The following FANCC variants were observed in gnomAD, a reference collection of about 807,000 sequenced individuals.
FANCC encodes Fanconi anemia group C protein.
Under a neutral mutation model 71.3 loss-of-function variants are expected in FANCC, and 55 were observed. The observed-to-expected ratio is 0.77, with a 90% confidence interval of 0.62 to 0.97. FANCC has a LOEUF of 0.97. Among genes scored for constraint, FANCC ranks in the 50% least tolerant of loss-of-function variants. FANCC has a pLI of 0.00. For missense variants in FANCC, 678 were observed against 670.9 expected (o/e 1.01, Z -0.12); for synonymous variants, 275 against 244.9 (o/e 1.12, Z -1.15).
chr9:95,286,776 C>T (rs1252807212), intron 1 of FANCC, among the ~76,000 whole-genome samples: 3 of 152,136 alleles, frequency 2.0e-5, no homozygotes, highest in Non-Finnish European at 2.9e-5. Context: ...TTTCCTGGCA[C>T]GTGCAAAGGC....
chr9:95,203,351 G>C (rs935893977), intron 4 of FANCC, among the ~76,000 whole-genome samples: 5 of 148,430 alleles, frequency 3.4e-5, no homozygotes, highest in East Asian at 4.0e-4. Flanking sequence ...CAGCCTCGTG[G>C]CTGGGTGACA....
At chr9:95,310,729 G>A (rs1473909470) in intron 1 of FANCC, among the ~76,000 whole-genome samples, 3 of 152,144 alleles carry the variant, frequency 2.0e-5, no homozygotes, top group Admixed American at 2.0e-4. Flanking sequence ...ATAGAATAGT[G>A]ACTACTAAAA....
chr9:95,293,200 G>A (rs1350272258), intron 1 of FANCC: 30 of 1,611,978 alleles, frequency 1.9e-5, no homozygotes, highest in Middle Eastern at 1.6e-4. Flanking sequence ...CAACATCACC[G>A]AGATAGCCTC....
At position 95,171,074 on chromosome 9, in the gene FANCC, C is replaced by G. The variant is rs1301899973; in HGVS notation, c.521+5G>C. 2.7e-5 allele frequency: 44 copies of G among 1,609,588 alleles called. No individual in the cohort carries two copies. Among genetic ancestry groups the G allele is most frequent in the Non-Finnish European group, 3.7e-5 (43 of 1,176,142 alleles). On this transcript the variant is annotated splice_donor_5th_base_variant and intron_variant, in intron 6 of 14. Coordinates refer to ENST00000289081, the MANE Select transcript of FANCC (RefSeq NM_000136.3). ...GAGAAGAAGGATGTTTAGTTTAACA[C>G]CTACCGCCTTTGAGTGTTAAATCCA...
At chr9:95,224,795 G>C (rs1383815567) in intron 4 of FANCC, among the ~76,000 whole-genome samples, 1 of 152,174 alleles carries the variant, frequency 6.6e-6, no homozygotes, top group Non-Finnish European at 1.5e-5. Flanking sequence ...TGGATGGTCT[G>C]ATTCCCAAAG....
Position 95,171,176 on chromosome 9 carries a change from C to T in FANCC, c.457-33G>A, listed in dbSNP as rs369697863. 6.8e-5 allele frequency: 103 copies of T among 1,518,286 alleles called. No homozygotes were observed. In the African/African-American group the frequency reaches 8.3e-4, roughly 12 times the overall value. 94.1% of individuals were successfully genotyped at this position (1,518,286 alleles called of 1,614,324 possible). The stretch of plus-strand genomic sequence containing the variant: ...ACAAAATCAGTTGCAGGTTAACTCA[C>T]GCTGCAAACAGGATTACATCAGTTC... On this transcript the variant is annotated intron_variant, in intron 5 of 14. Transcript: ENST00000289081.
At chr9:95,226,780 G>A (rs1376547095) in intron 4 of FANCC, among the ~76,000 whole-genome samples, 2 of 152,202 alleles carry the variant, frequency 1.3e-5, no homozygotes, top group Non-Finnish European at 2.9e-5. Flanking sequence ...GGAGGAACAA[G>A]TGCAATATCT....
intron 4 of FANCC, among the ~76,000 whole-genome samples, chr9:95,199,920 TTAA>T (rs1302374242): frequency 6.6e-6 from 1 of 152,250 alleles, no homozygotes; most frequent in African/African-American, 2.4e-5. Context: ...TCTTTGTTTC[TTAA>T]TAAACACTTA....
intron 1 of FANCC, among the ~76,000 whole-genome samples, chr9:95,251,426 C>T (rs565256329): frequency 2.8e-4 from 43 of 152,244 alleles, no homozygotes; most frequent in African/African-American, 1.0e-3. Flanking sequence ...AGCGACTCTC[C>T]TGCCTCAGCC....
chr9:95,111,855 G>T (rs1259882491), intron 12 of FANCC, among the ~76,000 whole-genome samples: 1 of 152,186 alleles, frequency 6.6e-6, no homozygotes, highest in Non-Finnish European at 1.5e-5. Context: ...ACCCCCGTGA[G>T]GCCTGAGGCC....
intron 1 of FANCC, among the ~76,000 whole-genome samples, chr9:95,312,737 T>C (rs1835482686): frequency 6.6e-6 from 1 of 152,144 alleles, no homozygotes; most frequent in African/African-American, 2.4e-5. Flanking sequence ...AACACAGGAA[T>C]AGGAGATATA....
At chr9:95,159,188 C>T (rs1168927301) in intron 6 of FANCC, among the ~76,000 whole-genome samples, 1 of 152,160 alleles carries the variant, frequency 6.6e-6, no homozygotes, top group Non-Finnish European at 1.5e-5. Flanking sequence ...CCCTTGCCCC[C>T]CACTCCACAA....
chr9:95,224,493 T>G (rs1024975525), intron 4 of FANCC, among the ~76,000 whole-genome samples: 2 of 151,818 alleles, frequency 1.3e-5, no homozygotes, highest in Non-Finnish European at 2.9e-5. Flanking sequence ...ACCATCCTTT[T>G]GAAGATTGGT....
At chr9:95,248,521 C>T (rs1322943924) in intron 2 of FANCC, among the ~76,000 whole-genome samples, 1 of 152,148 alleles carries the variant, frequency 6.6e-6, no homozygotes, top group Non-Finnish European at 1.5e-5. Flanking sequence ...CACAAGAACA[C>T]TTTGTTAAGT....
At chr9:95,144,435 T>C (rs574438046) in intron 7 of FANCC, among the ~76,000 whole-genome samples, 148 of 151,896 alleles carry the variant, frequency 9.7e-4, no homozygotes, top group Middle Eastern at 3.5e-3. Flanking sequence ...AGCAAGGGAG[T>C]GTGGGCCTGC....
chr9:95,169,262 C>T (rs1166014809), intron 6 of FANCC, among the ~76,000 whole-genome samples: 1 of 152,126 alleles, frequency 6.6e-6, no homozygotes, highest in Non-Finnish European at 1.5e-5. Flanking sequence ...TTGCATCTCA[C>T]ATGGCAAAAA....
At chr9:95,199,927 A>G (rs113303819) in intron 4 of FANCC, among the ~76,000 whole-genome samples, 9 of 152,348 alleles carry the variant, frequency 5.9e-5, no homozygotes, top group African/African-American at 2.2e-4. Context: ...TTCTTAATAA[A>G]CACTTATCTT....
intron 9 of FANCC, among the ~76,000 whole-genome samples, chr9:95,126,069 G>A (rs1307886363): frequency 6.6e-6 from 1 of 152,214 alleles, no homozygotes; most frequent in Non-Finnish European, 1.5e-5. Context: ...GTAATGTGTT[G>A]TAAGAGAACA....
intron 4 of FANCC, among the ~76,000 whole-genome samples, chr9:95,216,940 A>C (rs1444041003): frequency 6.6e-6 from 1 of 152,152 alleles, no homozygotes; most frequent in Non-Finnish European, 1.5e-5. Flanking sequence ...AAAATCTCAG[A>C]CCGGCCACAG....
Sources: allele counts gnomAD v4.1 joint callset (sites outside exome capture counted in the v4.1 genomes callset), GRCh38; gene constraint gnomAD v4.1.1; transcripts MANE v1.5; gene names NCBI Gene and HGNC (gene_info 2026-07-23, HGNC 2026-07-21).